Variants in SLC2A9 observed in about 807,000 individuals in gnomAD.
SLC2A9 encodes solute carrier family 2 member 9.
Under a neutral mutation model 50.6 loss-of-function variants are expected in SLC2A9, and 39 were observed. That is an observed-to-expected ratio of 0.77 (90% CI 0.60 to 1.01). SLC2A9 has a LOEUF of 1.01. Ranked by LOEUF, SLC2A9 falls within the 50% of genes least tolerant of loss-of-function variation. The probability of loss-of-function intolerance (pLI) is 0.00; values close to 1 mark genes in which losing one functional copy is unlikely to be tolerated. For missense variants in SLC2A9, 686 were observed against 677.6 expected (o/e 1.01, Z -0.14); for synonymous variants, 324 against 276.9 (o/e 1.17, Z -1.69).
downstream of SLC2A9, among the ~76,000 whole-genome samples, chr4:9,796,825 G>A (rs762416143): frequency 6.6e-6 from 1 of 152,138 alleles, no homozygotes; most frequent in Non-Finnish European, 1.5e-5. Flanking sequence ...TCTCATGCTG[G>A]AGGACAGGAT....
At position 9,980,636 on chromosome 4, in the gene SLC2A9, C is replaced by G. The variant is rs767527052; in HGVS notation, c.637G>C (p.Val213Leu). ...AGGCCCAGAAGCTGCCCAGTGAACA[C>G]GCCAATGCAGATAAAGATGGCAGTC... is the stretch of plus-strand genomic sequence containing the variant. ...QVTAIFICIG[V>L]FTGQLLGLPE... Residue 213 changes from valine (V) to leucine (L), a missense_variant, in exon 5 of 12, where the codon GTG becomes CTG. By Grantham distance (32) the Val-to-Leu change is conservative (BLOSUM62 1). Coordinates refer to ENST00000264784, the MANE Select transcript of SLC2A9 (RefSeq NM_020041.3). The G allele has an allele frequency of 6.2e-7, 1 of 1,614,082 alleles. No individual in the cohort carries two copies. The highest frequency in any genetic ancestry group is 8.5e-7 in the Non-Finnish European group (1 of 1,180,048).
chr4:10,023,463 C>T (rs1451760765), upstream of SLC2A9, among the ~76,000 whole-genome samples: 1 of 152,206 alleles, frequency 6.6e-6, no homozygotes, highest in African/African-American at 2.4e-5. Flanking sequence ...GGGACCTCAC[C>T]AGATTTTGCT....
chr4:9,907,233 G>A (rs1445867699), intron 8 of SLC2A9, among the ~76,000 whole-genome samples: 2 of 152,218 alleles, frequency 1.3e-5, no homozygotes, highest in Non-Finnish European at 2.9e-5. Flanking sequence ...CACAGACATA[G>A]CTACAAAAAA....
At chr4:9,907,485 T>C (rs1300586121) in intron 8 of SLC2A9, among the ~76,000 whole-genome samples, 1 of 152,222 alleles carries the variant, frequency 6.6e-6, no homozygotes, top group Non-Finnish European at 1.5e-5. Context: ...TTTGAACATA[T>C]TGGCTTATTA....
At chr4:9,874,407 C>G (rs1221070695) in intron 10 of SLC2A9, among the ~76,000 whole-genome samples, 1 of 152,192 alleles carries the variant, frequency 6.6e-6, no homozygotes, top group African/African-American at 2.4e-5. Flanking sequence ...CATGTGTACC[C>G]CCACAGCTGT....
chr4:9,810,083 A>G (rs1470139632), intron 3 of SLC2A9, among the ~76,000 whole-genome samples: 1 of 152,036 alleles, frequency 6.6e-6, no homozygotes, highest in Non-Finnish European at 1.5e-5. Context: ...CATTGCACTG[A>G]TCACCATTTG....
intron 5 of SLC2A9, among the ~76,000 whole-genome samples, chr4:9,952,616 C>T (rs945891184): frequency 1.3e-5 from 2 of 151,974 alleles, no homozygotes; most frequent in Admixed American, 1.3e-4. Flanking sequence ...TCACTGCATC[C>T]CCAACCTCCT....
upstream of SLC2A9, among the ~76,000 whole-genome samples, chr4:10,022,233 T>TC (rs775488462): frequency 3.0e-4 from 45 of 152,358 alleles, no homozygotes; most frequent in South Asian, 1.0e-3. Flanking sequence ...TTGACCCCAC[T>TC]CTGACTGTCC....
At chr4:9,977,130 G>T (rs992555825) in intron 5 of SLC2A9, among the ~76,000 whole-genome samples, 3 of 152,106 alleles carry the variant, frequency 2.0e-5, no homozygotes, top group African/African-American at 7.2e-5. Context: ...TCTCCATGCT[G>T]CAGGCCAAAA....
chr4:9,955,867 ATT>A (rs1170286158), intron 5 of SLC2A9, among the ~76,000 whole-genome samples: 3 of 61,692 alleles, frequency 4.9e-5, no homozygotes, highest in African/African-American at 2.1e-4. Flanking sequence ...AAGCATCTGG[ATT>A]TTTTTTTTTT....
At chr4:9,905,364 C>T (rs762111032) in intron 8 of SLC2A9, among the ~76,000 whole-genome samples, 8 of 152,230 alleles carry the variant, frequency 5.3e-5, no homozygotes, top group Non-Finnish European at 8.8e-5. Context: ...AAGCCCAGCA[C>T]AGGGCCAACA....
chr4:9,801,748 T>G (rs569581574), intron 3 of SLC2A9, among the ~76,000 whole-genome samples: 122 of 152,320 alleles, frequency 8.0e-4, no homozygotes, highest in Non-Finnish European at 1.2e-3. Context: ...TCAGCTACAG[T>G]GGCATCTCCT....
chr4:10,000,236 C>G (rs754720276), intron 2 of SLC2A9, among the ~76,000 whole-genome samples: 1 of 152,208 alleles, frequency 6.6e-6, no homozygotes, highest in African/African-American at 2.4e-5. Flanking sequence ...TACTGATCTA[C>G]GTCATCCACT....
downstream of SLC2A9, among the ~76,000 whole-genome samples, chr4:9,797,036 T>C (rs1339753268): frequency 1.3e-5 from 2 of 152,200 alleles, no homozygotes; most frequent in East Asian, 3.9e-4. Context: ...CACAATACTA[T>C]GATCTACCAT....
intron 7 of SLC2A9, among the ~76,000 whole-genome samples, chr4:9,917,054 C>T (rs565079184): frequency 2.8e-4 from 42 of 152,126 alleles, no homozygotes; most frequent in Non-Finnish European, 4.4e-4. Context: ...GCAATGGGGA[C>T]GGGGATGGGC....
chr4:9,924,016 T>G (rs922338123), intron 6 of SLC2A9: 2 of 152,052 alleles, frequency 1.3e-5, no homozygotes, highest in African/African-American at 4.8e-5. Flanking sequence ...TGCACGGAGA[T>G]GAAGTTCCTG....
chr4:9,773,687 T>C (rs957219359), intron 1 of SLC2A9, among the ~76,000 whole-genome samples: 1 of 152,226 alleles, frequency 6.6e-6, no homozygotes, highest in Non-Finnish European at 1.5e-5. Flanking sequence ...GTTTATTAGC[T>C]GCTTAGTTGA....
At chr4:9,943,663 T>C (rs775663151) in intron 5 of SLC2A9, among the ~76,000 whole-genome samples, 21 of 152,168 alleles carry the variant, frequency 1.4e-4, no homozygotes, top group Non-Finnish European at 2.4e-4. Flanking sequence ...ATGTGTGTCA[T>C]AGTTTGATCA....
intron 10 of SLC2A9, among the ~76,000 whole-genome samples, chr4:9,881,000 G>T (rs1735106633): frequency 6.6e-6 from 1 of 152,188 alleles, no homozygotes; most frequent in South Asian, 2.1e-4. Context: ...CAACAGCCAA[G>T]ACGCTCTGAG....
Sources: gnomAD v4.1 joint callset for allele counts (sites outside exome capture counted in the v4.1 genomes callset) on GRCh38, gnomAD v4.1.1 for gene constraint, MANE v1.5 for transcripts, NCBI Gene and HGNC (gene_info 2026-07-23, HGNC 2026-07-21) for gene names.